MYT1L: variants seen among roughly 807,000 people sequenced by gnomAD.
MYT1L encodes the protein myelin transcription factor 1 like, also known as myelin transcription factor 1-like protein.
Under a neutral mutation model 126.7 loss-of-function variants are expected in MYT1L, and 12 were observed. That is an observed-to-expected ratio of 0.09 (90% confidence interval 0.06 to 0.15). The LOEUF (loss-of-function observed/expected upper bound fraction) is 0.15, where lower values mean the gene tolerates loss of function less well. Ranked by LOEUF, MYT1L falls within the 10% of genes least tolerant of loss-of-function variation. The pLI, the probability that MYT1L is intolerant of heterozygous loss-of-function variation, is 1.00. For missense variants in MYT1L, 979 were observed against 1,585.2 expected, an observed-to-expected ratio of 0.62 and a Z score of 6.49; for synonymous variants, 541 against 604.2, an observed-to-expected ratio of 0.90 and a Z score of 1.53.
At chr2:2,124,512 T>C (rs1305419626) in intron 3 of MYT1L, among the ~76,000 whole-genome samples, 1 of 152,158 alleles carries the variant, frequency 6.6e-6, no homozygotes, top group Non-Finnish European at 1.5e-5. Flanking sequence ...CCCAGGCTGG[T>C]CTCGAACTTC....
intron 8 of MYT1L, among the ~76,000 whole-genome samples, chr2:1,977,665 T>C (rs949165977): frequency 3.3e-5 from 5 of 152,206 alleles, no homozygotes; most frequent in Admixed American, 3.3e-4. Context: ...ACACCTACTA[T>C]GTACACATAA....
intron 21 of MYT1L, among the ~76,000 whole-genome samples, chr2:1,812,875 C>CAAA (rs33917296): frequency 0.052 from 3,116 of 59,712 alleles, 74 homozygotes; most frequent in South Asian, 0.11. Context: ...GACTCCGTCT[C>CAAA]AAAAAAAAAA....
At chr2:2,311,441 A>G (rs1306442940) in intron 1 of MYT1L, among the ~76,000 whole-genome samples, 1 of 152,154 alleles carries the variant, frequency 6.6e-6, no homozygotes, top group Non-Finnish European at 1.5e-5. Context: ...CCAAGATGTG[A>G]GATGTACAAT....
chr2:2,160,185 T>C (rs2087620291), intron 3 of MYT1L, among the ~76,000 whole-genome samples: 1 of 152,116 alleles, frequency 6.6e-6, no homozygotes, highest in Non-Finnish European at 1.5e-5. Context: ...TCATCGTGAG[T>C]AGCATGTGCA....
Position 2,148,122 on chromosome 2 carries a change from C to G in MYT1L, c.-304+24750G>C, listed in dbSNP as rs79781801. ...CTCACCAGTTCCATTTCCCTGGTGC[C>G]CGCATGACTTATCTGGATATCAAGG... On this transcript the variant is annotated intron_variant, in intron 3 of 24. Transcript: ENST00000647738. Among the ~76,000 whole-genome samples, 701 of 152,296 alleles carry G rather than the reference C, an allele frequency of 4.6e-3. 4 individuals carry two copies. The highest frequency in any genetic ancestry group is 0.016 in the African/African-American group (677 of 41,564).
In MYT1L at chr2:2,262,692, CAA is replaced by C. The variant is rs1239154235; in HGVS notation, c.-421+21710_-421+21711del. Reference sequence around the variant, plus strand: ...TGGGTGACAGAGCAAGACTCCATCTCAAAAAAAAAAAAAAAAATTATGATTCC... The same window carrying C: ...TGGGTGACAGAGCAAGACTCCATCTCAAAAAAAAAAAAAAATTATGATTCC... On this transcript the variant is annotated intron_variant, in intron 2 of 24. Transcript: ENST00000647738. 5.8e-3 allele frequency among the ~76,000 whole-genome samples: 619 copies of C among 105,920 alleles called. 2 individuals are homozygous for C. The highest frequency in any genetic ancestry group is 0.02 in the African/African-American group (578 of 29,288). 69.5% of individuals were successfully genotyped at this position (105,920 alleles called of 152,430 possible). A position where few individuals can be genotyped will look rare whatever the true frequency, so the allele number is the denominator to read the frequency against.
intron 2 of MYT1L, among the ~76,000 whole-genome samples, chr2:2,212,531 A>T (rs140446336): frequency 1.3e-3 from 199 of 152,334 alleles, no homozygotes; most frequent in Middle Eastern, 3.4e-3. Context: ...ACACATTTTG[A>T]TTTTAATTCC....
chr2:2,233,050 A>G (rs369672228), intron 2 of MYT1L, among the ~76,000 whole-genome samples: 1 of 152,218 alleles, frequency 6.6e-6, no homozygotes, highest in African/African-American at 2.4e-5. Flanking sequence ...CCCAGCCTGC[A>G]TTAAGCACTC....
intron 3 of MYT1L, among the ~76,000 whole-genome samples, chr2:2,102,077 C>T (rs1301883643): frequency 6.6e-6 from 1 of 152,168 alleles, no homozygotes; most frequent in African/African-American, 2.4e-5. Flanking sequence ...CCATGGCTGT[C>T]ACCTTGTCTT....
intron 5 of MYT1L, among the ~76,000 whole-genome samples, chr2:1,986,584 A>G (rs1463308476): frequency 2.0e-5 from 3 of 152,204 alleles, no homozygotes; most frequent in African/African-American, 7.2e-5. Flanking sequence ...AATAATTTAC[A>G]TTTGATTTTA....
rs187434702 is a variant in MYT1L at position 2,224,477 on chromosome 2, G to A, written c.-420-51489C>T. Among the ~76,000 whole-genome samples, 326 of 152,158 alleles carry A rather than the reference G, an allele frequency of 2.1e-3. 1 individual carries two copies. Among genetic ancestry groups the A allele is most frequent in the Non-Finnish European group, 3.9e-3 (266 of 67,998 alleles). On this transcript the variant is annotated intron_variant, in intron 2 of 24. Coordinates refer to ENST00000647738, the MANE Select transcript of MYT1L (RefSeq NM_001303052.2). The surrounding 1 kb of genome is among the most constrained non-coding windows in gnomAD (Gnocchi z 4.0). The stretch of plus-strand genomic sequence containing the variant: ...GTGAGAAGAAAAGGAATTAGATTAG[G>A]TTCAGCCTCATCGCACCCCATGCCA...
chr2:1,998,965 C>T (rs1253543742), intron 4 of MYT1L, among the ~76,000 whole-genome samples: 1 of 152,174 alleles, frequency 6.6e-6, no homozygotes, highest in Admixed American at 6.5e-5. Flanking sequence ...AATGATCAGA[C>T]ATGCTCTACA....
At chr2:2,227,020 T>A (rs2094026763) in intron 2 of MYT1L, among the ~76,000 whole-genome samples, 1 of 152,160 alleles carries the variant, frequency 6.6e-6, no homozygotes, top group African/African-American at 2.4e-5. Context: ...ACTTTTCCTG[T>A]GAGCAGAACT....
intron 3 of MYT1L, among the ~76,000 whole-genome samples, chr2:2,055,809 CTCTACTGGTAATCCTAAAAATTCA>C (rs1276933930): frequency 1.3e-5 from 2 of 152,190 alleles, no homozygotes; most frequent in African/African-American, 4.8e-5. Flanking sequence ...CAATGACTTA[CTCTACTGGTAATCCTAAAAATTCA>C]TCTCTATCAC....
chr2:1,897,456 TTTTTTTTG>T (rs2148915446), intron 14 of MYT1L, among the ~76,000 whole-genome samples: 1 of 148,790 alleles, frequency 6.7e-6, no homozygotes, highest in African/African-American at 2.5e-5. Flanking sequence ...AAAACTTTTT[TTTTTTTTG>T]TTTGTTTGTT....
At chr2:1,948,604 C>T (rs1277103828) in intron 8 of MYT1L, among the ~76,000 whole-genome samples, 1 of 152,210 alleles carries the variant, frequency 6.6e-6, no homozygotes, top group Non-Finnish European at 1.5e-5. Flanking sequence ...ATTCTGTGAA[C>T]AGCGTGTCTG....
chr2:2,322,661 G>A (rs913352132), intron 1 of MYT1L, among the ~76,000 whole-genome samples: 4 of 151,874 alleles, frequency 2.6e-5, no homozygotes, highest in African/African-American at 9.7e-5. Context: ...GCATCGTGGA[G>A]AAGGGGCTTT....
chr2:2,282,917 A>G (rs1479773579), intron 2 of MYT1L, among the ~76,000 whole-genome samples: 1 of 152,190 alleles, frequency 6.6e-6, no homozygotes, highest in Non-Finnish European at 1.5e-5. Context: ...TTTACTAAAA[A>G]TAGAAAAATT....
intron 1 of MYT1L, among the ~76,000 whole-genome samples, chr2:2,287,605 T>C (rs527554117): frequency 6.6e-6 from 1 of 152,310 alleles, no homozygotes; most frequent in East Asian, 1.9e-4. Context: ...ACTTTCTCAT[T>C]TGCAAAATGA....
Sources: allele counts gnomAD v4.1 joint callset (sites outside exome capture counted in the v4.1 genomes callset), GRCh38; gene constraint gnomAD v4.1.1; non-coding constraint Gnocchi (gnomAD v3.1); transcripts MANE v1.5; gene names NCBI Gene and HGNC (gene_info 2026-07-23, HGNC 2026-07-21).